Variants in ADGRL3 observed in about 807,000 individuals in gnomAD.
The protein encoded by ADGRL3 is calcium-independent alpha-latrotoxin receptor 3.
In ADGRL3, 62 loss-of-function variants were observed where a neutral mutation model predicts 153.5. The ratio of observed to expected loss-of-function variants is 0.40; its 90% CI spans 0.33 to 0.50. The LOEUF (loss-of-function observed/expected upper bound fraction) is 0.50, where lower values mean the gene tolerates loss of function less well. Among genes scored for constraint, ADGRL3 ranks in the 20% least tolerant of loss-of-function variants. The pLI, the probability that ADGRL3 is intolerant of heterozygous loss-of-function variation, is 0.47. For synonymous variants in ADGRL3, 710 were observed against 672.5 expected (o/e 1.06, Z -0.86); for missense variants, 1,641 against 1,859.4 (o/e 0.88, Z 2.16).
intron 1 of ADGRL3, among the ~76,000 whole-genome samples, chr4:61,263,971 T>C (rs1215326210): frequency 6.6e-6 from 1 of 151,886 alleles, no homozygotes; most frequent in Non-Finnish European, 1.5e-5. Flanking sequence ...TGAGATAGGC[T>C]TGTTGGTATC....
chr4:61,679,086 C>G (rs1050039461), intron 6 of ADGRL3, among the ~76,000 whole-genome samples: 36 of 152,068 alleles, frequency 2.4e-4, no homozygotes, highest in African/African-American at 8.7e-4. Context: ...GCTCACGATT[C>G]TGCAGGCTGT....
intron 9 of ADGRL3, among the ~76,000 whole-genome samples, chr4:61,850,854 A>G (rs750212377): frequency 6.6e-6 from 1 of 152,210 alleles, no homozygotes; most frequent in Non-Finnish European, 1.5e-5. Context: ...GAAGAGAGAA[A>G]AAATAACTTT....
At chr4:61,443,728 A>G (rs1016165561) in intron 2 of ADGRL3, among the ~76,000 whole-genome samples, 16 of 152,260 alleles carry the variant, frequency 1.1e-4, no homozygotes, top group African/African-American at 3.4e-4. Context: ...TCACTCATCA[A>G]TTGTTCAAGG....
chr4:61,762,378 A>T (rs911820406), intron 8 of ADGRL3, among the ~76,000 whole-genome samples: 1 of 152,158 alleles, frequency 6.6e-6, no homozygotes, highest in East Asian at 1.9e-4. Flanking sequence ...TGAGTTTAAC[A>T]TCTCTCTTTT....
chr4:61,346,143 A>G (rs1434376970), intron 1 of ADGRL3, among the ~76,000 whole-genome samples: 1 of 152,102 alleles, frequency 6.6e-6, no homozygotes, highest in Non-Finnish European at 1.5e-5. Context: ...GTATGCACCT[A>G]TAGTTCCACC....
At chr4:61,699,972 AC>A (rs2095719015) in intron 6 of ADGRL3, among the ~76,000 whole-genome samples, 2 of 150,866 alleles carry the variant, frequency 1.3e-5, no homozygotes, top group South Asian at 2.1e-4. Flanking sequence ...ACACACAAAA[AC>A]ACACACAGAG....
intron 4 of ADGRL3, among the ~76,000 whole-genome samples, chr4:61,536,707 C>T (rs377154075): frequency 7.9e-5 from 12 of 151,978 alleles, no homozygotes; most frequent in Non-Finnish European, 1.5e-4. Context: ...ATAACCATCC[C>T]TGCTCTTTTT....
At chr4:61,684,864 T>G (rs2095413585) in intron 6 of ADGRL3, among the ~76,000 whole-genome samples, 1 of 152,126 alleles carries the variant, frequency 6.6e-6, no homozygotes, top group Non-Finnish European at 1.5e-5. Flanking sequence ...AATTTGCAAC[T>G]GTTGCTCTAG....
intron 2 of ADGRL3, among the ~76,000 whole-genome samples, chr4:61,457,761 G>T (rs190683016): frequency 1.1e-4 from 16 of 151,786 alleles, no homozygotes; most frequent in African/African-American, 3.4e-4. Flanking sequence ...TTATTTTACT[G>T]ACATGTAAAA....
chr4:61,755,837 T>A (rs1187888695), intron 8 of ADGRL3, among the ~76,000 whole-genome samples: 1 of 152,250 alleles, frequency 6.6e-6, no homozygotes, highest in Non-Finnish European at 1.5e-5. Context: ...TTTCTACATA[T>A]GGCTAGCCAG....
chr4:61,497,637 T>C (rs2098335323), intron 3 of ADGRL3, among the ~76,000 whole-genome samples: 1 of 149,852 alleles, frequency 6.7e-6, no homozygotes, highest in Non-Finnish European at 1.5e-5. Context: ...TGCCTCAGCC[T>C]CCTGAGTAGC....
At chr4:61,427,582 A>G (rs7687816) in intron 2 of ADGRL3, 142,504 of 152,914 alleles carry the variant, frequency 0.93, 67,239 homozygotes, top group East Asian at 1. Flanking sequence ...CCACAGTAGG[A>G]GGTCCCTGAA....
In ADGRL3 at chr4:62,070,716, A is replaced by G; in HGVS notation, c.4440A>G (p.Lys1480=). The part of the protein sequence containing the change: ...TSTQTEPPPA[K]CGDAEDVYYK... ...CCCAGACCGAACCCCCACCGGCCAAATGTGGTGATGCCGAAGATGTTTACT... is the reference window on the plus strand; with the variant it reads ...CCCAGACCGAACCCCCACCGGCCAAGTGTGGTGATGCCGAAGATGTTTACT... The change falls in exon 27 of 27, where the codon AAA becomes AAG. Residue 1480 remains lysine, a synonymous_variant. Coordinates refer to ENST00000683033, the MANE Select transcript of ADGRL3 (RefSeq NM_001387552.1). The G allele has an allele frequency of 1.3e-6, 2 of 1,551,496 alleles. No individual in the cohort carries two copies. Among genetic ancestry groups the G allele is most frequent in the Non-Finnish European group, 1.7e-6 (2 of 1,146,860 alleles).
intron 1 of ADGRL3, among the ~76,000 whole-genome samples, chr4:61,239,764 T>G (rs1754207709): frequency 6.6e-6 from 1 of 152,132 alleles, no homozygotes; most frequent in Admixed American, 6.6e-5. Flanking sequence ...AAACAGGATT[T>G]TCTTTCAGTG....
intron 8 of ADGRL3, among the ~76,000 whole-genome samples, chr4:61,746,363 C>G (rs535212648): frequency 2.1e-4 from 32 of 151,946 alleles, no homozygotes; most frequent in African/African-American, 7.2e-4. Flanking sequence ...GGACCTAATA[C>G]CCATCTACAG....
intron 5 of ADGRL3, among the ~76,000 whole-genome samples, chr4:61,655,937 T>A (rs1457232015): frequency 6.6e-6 from 1 of 152,206 alleles, no homozygotes; most frequent in African/African-American, 2.4e-5. Flanking sequence ...ATGTGGTTAC[T>A]CACTGATATT....
intron 2 of ADGRL3, among the ~76,000 whole-genome samples, chr4:61,403,037 C>T (rs1364686124): frequency 1.9e-5 from 2 of 107,800 alleles, no homozygotes; most frequent in Admixed American, 2.4e-4. Flanking sequence ...TCACTATATC[C>T]CCACCTGGCC....
chr4:61,271,320 T>G (rs1388317607), intron 1 of ADGRL3, among the ~76,000 whole-genome samples: 1 of 151,996 alleles, frequency 6.6e-6, no homozygotes, highest in Non-Finnish European at 1.5e-5. Context: ...CATGAGGTTA[T>G]GCATTATAGC....
At chr4:61,694,179 A>ATTTTTTTTTTTTTT (rs554084495) in intron 6 of ADGRL3, among the ~76,000 whole-genome samples, 1 of 26,710 alleles carries the variant, frequency 3.7e-5, no homozygotes, top group East Asian at 2.0e-3. Context: ...TTTTGTCATT[A>ATTTTTTTTTTTTTT]TTTTTTTTTT....
Sources: gnomAD v4.1 joint callset for allele counts (sites outside exome capture counted in the v4.1 genomes callset) on GRCh38, gnomAD v4.1.1 for gene constraint, MANE v1.5 for transcripts, NCBI Gene and HGNC (gene_info 2026-07-23, HGNC 2026-07-21) for gene names.